INPP5F: variants seen among roughly 807,000 people sequenced by gnomAD.
INPP5F encodes the protein inositol polyphosphate-5-phosphatase F, also known as phosphatidylinositide 4-phosphatase SAC2.
A neutral mutation model predicts 137.2 loss-of-function variants in INPP5F; 97 were observed. The ratio of observed to expected loss-of-function variants is 0.71; its 90% CI spans 0.60 to 0.84. The LOEUF is 0.84. INPP5F is among the 40% of genes least tolerant of loss of function. The pLI, the probability that INPP5F is intolerant of heterozygous loss-of-function variation, is 0.00. For missense variants in INPP5F, 1,271 were observed against 1,371.9 expected (o/e 0.93, Z 1.16); for synonymous variants, 504 against 476.9 (o/e 1.06, Z -0.74).
chr10:119,765,865 C>CTA (rs551639582), intron 2 of INPP5F, among the ~76,000 whole-genome samples: 1,339 of 29,804 alleles, frequency 0.045, 24 homozygotes, highest in African/African-American at 0.087. Context: ...ACACTATATA[C>CTA]TATATATATA....
chr10:119,799,442 T>C (rs1346050853), intron 9 of INPP5F: 9 of 236,404 alleles, frequency 3.8e-5, no homozygotes, highest in South Asian at 1.8e-4. Context: ...GAAAATACCA[T>C]GTTCCTGGAA....
chr10:119,819,540 G>A (rs371712435), intron 15 of INPP5F: 2 of 1,599,482 alleles, frequency 1.3e-6, no homozygotes, highest in Admixed American at 1.7e-5. Flanking sequence ...CAGAGTGCAC[G>A]TAAGTATCAA....
intron 15 of INPP5F, among the ~76,000 whole-genome samples, chr10:119,812,280 C>T (rs971667611): frequency 6.6e-6 from 1 of 152,114 alleles, no homozygotes; most frequent in Admixed American, 6.5e-5. Flanking sequence ...TATTAATGCA[C>T]ATAAGTGAGT....
At position 119,729,744 on chromosome 10, in the gene INPP5F, A is replaced by ATT. The variant is rs34359657; in HGVS notation, c.97+3404_97+3405dup. 7.3e-4 allele frequency among the ~76,000 whole-genome samples: 94 copies of ATT among 128,226 alleles called. 1 individual carries two copies. Among genetic ancestry groups the ATT allele is most frequent in the Non-Finnish European group, 1.1e-3 (65 of 60,136 alleles). The allele number at this position is 128,226 out of a possible 152,430, so 84.1% of individuals were successfully genotyped here. The stretch of plus-strand genomic sequence containing the variant: ...ATGTGTGTGCTACCACACCTGGCTA[A>ATT]TTTTTTTTTTTTTTTTTTTTGGTAG... On this transcript the variant is annotated intron_variant, in intron 1 of 19. Transcript: ENST00000650623.
chr10:119,816,629 C>T (rs1851290941), intron 15 of INPP5F: 1 of 152,272 alleles, frequency 6.6e-6, no homozygotes, highest in Non-Finnish European at 1.5e-5. Flanking sequence ...TATAGAACCT[C>T]TGTACAGTCC....
At chr10:119,756,011 C>A (rs1353446323) in intron 2 of INPP5F, among the ~76,000 whole-genome samples, 2 of 152,012 alleles carry the variant, frequency 1.3e-5, no homozygotes, top group East Asian at 3.9e-4. Flanking sequence ...CAAAAATTAG[C>A]CAGGTGTGGT....
chr10:119,821,627 G>A (rs1419611460), intron 16 of INPP5F, among the ~76,000 whole-genome samples: 1 of 151,844 alleles, frequency 6.6e-6, no homozygotes, highest in South Asian at 2.1e-4. Context: ...TTTCATTCTC[G>A]ATTTTGGATA....
chr10:119,795,834 G>C (rs759260213), intron 6 of INPP5F, among the ~76,000 whole-genome samples: 2 of 152,206 alleles, frequency 1.3e-5, no homozygotes, highest in Non-Finnish European at 2.9e-5. Flanking sequence ...CTGGCACCTC[G>C]GGAGGCCAAG....
At chr10:119,816,782 C>T (rs1204501811) in intron 15 of INPP5F, 1 of 152,226 alleles carries the variant, frequency 6.6e-6, no homozygotes, top group Non-Finnish European at 1.5e-5. Context: ...GACTTGCTCT[C>T]ACTGCCTGCC....
At chr10:119,823,570 T>C (rs970227104) in intron 18 of INPP5F, among the ~76,000 whole-genome samples, 1 of 137,086 alleles carries the variant, frequency 7.3e-6, no homozygotes, top group Non-Finnish European at 1.6e-5. Context: ...TGAACAAACA[T>C]GAACTAGAAC....
chr10:119,743,822 T>C (rs1848446932), intron 1 of INPP5F, among the ~76,000 whole-genome samples: 1 of 152,180 alleles, frequency 6.6e-6, no homozygotes, highest in Non-Finnish European at 1.5e-5. Flanking sequence ...ATTAATGTTA[T>C]ACCAACTAGA....
At chr10:119,781,855 CT>C in intron 3 of INPP5F, 84 bp downstream of exon 3, 2 of 1,144,484 alleles carry the variant, frequency 1.7e-6, no homozygotes, top group Non-Finnish European at 2.5e-6. Flanking sequence ...AGACCAGAAA[CT>C]TACATTTTTA....
chr10:119,759,420 G>C (rs969340585), intron 2 of INPP5F, among the ~76,000 whole-genome samples: 4 of 151,858 alleles, frequency 2.6e-5, no homozygotes, highest in African/African-American at 9.7e-5. Context: ...ACAGAGTCTT[G>C]CTCTTGTAGC....
chr10:119,791,505 C>A lies in INPP5F; in HGVS notation c.316-12C>A. ...ATTAGTAATAACAAATCATCTTTCT[C>A]TTCCTATTTAGCTCTGTAAGAAGCA... On this transcript the variant is annotated splice_polypyrimidine_tract_variant and intron_variant, in intron 3 of 19. Coordinates refer to ENST00000650623, the MANE Select transcript of INPP5F (RefSeq NM_014937.4). 1 of 1,583,498 alleles carries A rather than the reference C, an allele frequency of 6.3e-7. No homozygotes were observed. The highest frequency in any genetic ancestry group is 1.1e-5 in the South Asian group (1 of 89,642).
intron 1 of INPP5F, among the ~76,000 whole-genome samples, chr10:119,734,772 G>A (rs1848175163): frequency 6.6e-6 from 1 of 152,086 alleles, no homozygotes; most frequent in South Asian, 2.1e-4. Context: ...TTTTGTAAAC[G>A]GTTCTTTTCC....
chr10:119,734,512 A>G (rs1326058682), intron 1 of INPP5F, among the ~76,000 whole-genome samples: 2 of 152,108 alleles, frequency 1.3e-5, no homozygotes, highest in South Asian at 2.1e-4. Context: ...CTTTTTTTTA[A>G]ATAATAGAGA....
intron 2 of INPP5F, among the ~76,000 whole-genome samples, chr10:119,753,978 T>C (rs145330612): frequency 2.0e-5 from 3 of 152,322 alleles, no homozygotes; most frequent in East Asian, 3.9e-4. Context: ...CTTTTATTCT[T>C]CTCTCTTTTT....
At chr10:119,818,877 C>T (rs1274375536) in intron 15 of INPP5F, 1 of 152,320 alleles carries the variant, frequency 6.6e-6, no homozygotes, top group Non-Finnish European at 1.5e-5. Context: ...GCAGCCGAGC[C>T]CAAGTCTGAG....
At chr10:119,735,056 G>A (rs559251509) in intron 1 of INPP5F, among the ~76,000 whole-genome samples, 85 of 152,246 alleles carry the variant, frequency 5.6e-4, no homozygotes, top group African/African-American at 2.0e-3. Context: ...TTAAAGTGAG[G>A]ATAAACACTG....
Sources: allele counts gnomAD v4.1 joint callset (sites outside exome capture counted in the v4.1 genomes callset), GRCh38; gene constraint gnomAD v4.1.1; transcripts MANE v1.5; gene names NCBI Gene and HGNC (gene_info 2026-07-23, HGNC 2026-07-21).